ERBB4: variants seen among roughly 807,000 people sequenced by gnomAD.
The protein encoded by ERBB4 is receptor tyrosine-protein kinase erbB-4.
In ERBB4, 42 loss-of-function variants were observed where a neutral mutation model predicts 158.0. That is an observed-to-expected ratio of 0.27 (90% confidence interval 0.21 to 0.34). ERBB4 has a LOEUF of 0.34. Among genes scored for constraint, ERBB4 ranks in the 10% least tolerant of loss-of-function variants. ERBB4 has a pLI of 1.00. For missense variants in ERBB4, 1,333 were observed against 1,624.1 expected (o/e 0.82, Z 3.08); for synonymous variants, 583 against 558.7 (o/e 1.04, Z -0.61).
At chr2:212,262,366 C>T (rs1448890868) in intron 1 of ERBB4, among the ~76,000 whole-genome samples, 1 of 152,068 alleles carries the variant, frequency 6.6e-6, no homozygotes, top group Non-Finnish European at 1.5e-5. Context: ...CCTCCATTAT[C>T]CACATATATA....
chr2:211,582,384 T>G (rs1353335177), intron 19 of ERBB4, among the ~76,000 whole-genome samples: 2 of 152,318 alleles, frequency 1.3e-5, no homozygotes, highest in South Asian at 2.1e-4. Context: ...GAAATCCCTG[T>G]GCAAATTTTA....
chr2:212,252,395 A>T (rs776840822), intron 1 of ERBB4, among the ~76,000 whole-genome samples: 1 of 152,024 alleles, frequency 6.6e-6, no homozygotes, highest in Non-Finnish European at 1.5e-5. Flanking sequence ...AAAAGAAGAG[A>T]ATGACCGTCT....
intron 16 of ERBB4, among the ~76,000 whole-genome samples, chr2:211,644,407 C>T (rs1194247134): frequency 1.3e-5 from 2 of 151,630 alleles, no homozygotes; most frequent in African/African-American, 2.4e-5. Flanking sequence ...TGTTATGATT[C>T]GGCAGATGCT....
intron 2 of ERBB4, among the ~76,000 whole-genome samples, chr2:212,103,164 C>T (rs1425489471): frequency 1.3e-5 from 2 of 152,038 alleles, no homozygotes; most frequent in Non-Finnish European, 2.9e-5. Flanking sequence ...TTGAAATTAC[C>T]TAACTTCCTC....
chr2:211,997,909 TCA>T (rs1553530863), intron 2 of ERBB4, among the ~76,000 whole-genome samples: 14 of 150,548 alleles, frequency 9.3e-5, no homozygotes, highest in East Asian at 5.9e-4. Context: ...CACACACACA[TCA>T]CACACACACA....
intron 3 of ERBB4, among the ~76,000 whole-genome samples, chr2:211,892,808 C>A (rs1471432638): frequency 1.4e-5 from 2 of 143,246 alleles, no homozygotes; most frequent in African/African-American, 5.5e-5. Flanking sequence ...CTCCCATTCA[C>A]AATTGCTTCA....
intron 20 of ERBB4, among the ~76,000 whole-genome samples, chr2:211,464,470 A>T (rs542680664): frequency 7.5e-4 from 114 of 152,266 alleles, no homozygotes; most frequent in African/African-American, 2.7e-3. Context: ...ATTGAAGGCT[A>T]AATATATTCT....
intron 19 of ERBB4, among the ~76,000 whole-genome samples, chr2:211,589,502 T>C (rs2068395686): frequency 1.3e-5 from 2 of 152,170 alleles, no homozygotes; most frequent in Non-Finnish European, 2.9e-5. Context: ...CCCGAATGAG[T>C]AGCCCTAATA....
intron 1 of ERBB4, among the ~76,000 whole-genome samples, chr2:212,462,523 A>G (rs113496272): frequency 3.3e-5 from 5 of 152,208 alleles, no homozygotes; most frequent in African/African-American, 9.7e-5. Flanking sequence ...ACTACTTATT[A>G]GATAAATGGA....
chr2:211,682,322 C>T (rs1474796484), intron 12 of ERBB4, among the ~76,000 whole-genome samples: 2 of 152,080 alleles, frequency 1.3e-5, no homozygotes, highest in East Asian at 1.9e-4. Flanking sequence ...GCTCAAGTAG[C>T]CAAGCAGAGA....
At chr2:212,446,354 A>G (rs1179988806) in intron 1 of ERBB4, among the ~76,000 whole-genome samples, 2 of 151,440 alleles carry the variant, frequency 1.3e-5, no homozygotes, top group Non-Finnish European at 2.9e-5. Context: ...GCACAATCTC[A>G]TCAGCTGCCA....
chr2:212,471,807 A>G (rs1244816790), intron 1 of ERBB4, among the ~76,000 whole-genome samples: 1 of 151,884 alleles, frequency 6.6e-6, no homozygotes, highest in African/African-American at 2.4e-5. Flanking sequence ...TAGTATATTT[A>G]ATAATAATTG....
At chr2:212,153,210 T>C (rs1263409468) in intron 1 of ERBB4, among the ~76,000 whole-genome samples, 1 of 152,218 alleles carries the variant, frequency 6.6e-6, no homozygotes, top group African/African-American at 2.4e-5. Context: ...TTTCAAAAAA[T>C]AAATCTTGGC....
At chr2:211,947,049 G>A (rs568212331) in intron 3 of ERBB4, among the ~76,000 whole-genome samples, 1 of 152,200 alleles carries the variant, frequency 6.6e-6, no homozygotes, top group Middle Eastern at 3.4e-3. Context: ...CATGGAAATA[G>A]ATATAACAGC....
chr2:211,626,996 C>T (rs1045773740), intron 17 of ERBB4, among the ~76,000 whole-genome samples: 12 of 151,274 alleles, frequency 7.9e-5, no homozygotes, highest in East Asian at 1.9e-4. Context: ...AAGGAAATGA[C>T]GGTTTGAAGG....
intron 1 of ERBB4, among the ~76,000 whole-genome samples, chr2:212,524,360 C>G (rs1039357681): frequency 4.6e-5 from 7 of 152,056 alleles, no homozygotes; most frequent in Admixed American, 1.3e-4. Context: ...ATACACACAC[C>G]TGCAGCAGCT....
chr2:212,156,903 G>T (rs963085897), intron 1 of ERBB4, among the ~76,000 whole-genome samples: 1 of 152,044 alleles, frequency 6.6e-6, no homozygotes, highest in Non-Finnish European at 1.5e-5. Context: ...TACTAGGTTA[G>T]TTCAGACCAT....
At chr2:211,880,414 T>A (rs1020448966) in intron 3 of ERBB4, among the ~76,000 whole-genome samples, 1 of 152,150 alleles carries the variant, frequency 6.6e-6, no homozygotes, top group African/African-American at 2.4e-5. Flanking sequence ...TATATTTTTA[T>A]CCTCCTATTA....
At chr2:212,089,150 C>G (rs2078700126) in intron 2 of ERBB4, among the ~76,000 whole-genome samples, 1 of 152,092 alleles carries the variant, frequency 6.6e-6, no homozygotes, top group African/African-American at 2.4e-5. Flanking sequence ...TATACAAATA[C>G]CAACCTGATT....
Sources: gnomAD v4.1 joint callset for allele counts (sites outside exome capture counted in the v4.1 genomes callset) on GRCh38, gnomAD v4.1.1 for gene constraint, MANE v1.5 for transcripts, NCBI Gene and HGNC (gene_info 2026-07-23, HGNC 2026-07-21) for gene names.